The following TRPV5 variants were observed in gnomAD, a reference collection of about 807,000 sequenced individuals.
TRPV5 encodes the protein transient receptor potential cation channel subfamily V member 5.
A neutral mutation model predicts 74.1 loss-of-function variants in TRPV5; 66 were observed. The ratio of observed to expected loss-of-function variants is 0.89; its 90% CI spans 0.73 to 1.09. TRPV5 has a LOEUF of 1.09. Among genes scored for constraint, TRPV5 ranks in the 50% least tolerant of loss-of-function variants. TRPV5 has a pLI of 0.00. For missense variants in TRPV5, 936 were observed against 930.4 expected, an observed-to-expected ratio of 1.01 and a Z score of -0.08; for synonymous variants, 399 against 360.7, an observed-to-expected ratio of 1.11 and a Z score of -1.20.
intron 1 of TRPV5, among the ~76,000 whole-genome samples, chr7:142,932,158 A>T (rs1796106973): frequency 6.6e-6 from 1 of 152,100 alleles, no homozygotes; most frequent in Admixed American, 6.5e-5. Flanking sequence ...GTCCCTGACC[A>T]GCCTAGAGTG....
chr7:142,923,775 A>G (rs1795922333), intron 8 of TRPV5, among the ~76,000 whole-genome samples: 1 of 152,184 alleles, frequency 6.6e-6, no homozygotes, highest in Non-Finnish European at 1.5e-5. Flanking sequence ...GATCAAAGAA[A>G]TGTGATTGTA....
At chr7:142,915,082 T>C (rs1266245792) in intron 10 of TRPV5, 36 bp from the exon 11 acceptor site, 1 of 1,605,706 alleles carries the variant, frequency 6.2e-7, no homozygotes, top group Non-Finnish European at 8.5e-7. Context: ...AGAGACAAGC[T>C]GGAACTATTT....
intron 8 of TRPV5, among the ~76,000 whole-genome samples, chr7:142,919,791 G>A (rs933411038): frequency 6.6e-6 from 1 of 152,168 alleles, no homozygotes; most frequent in Non-Finnish European, 1.5e-5. Context: ...AGTGCCTGGG[G>A]CACTACTGGG....
intron 10 of TRPV5, 77 bp from the exon 11 acceptor site, chr7:142,915,123 T>C: frequency 6.4e-7 from 1 of 1,560,820 alleles, no homozygotes; most frequent in East Asian, 2.3e-5. Context: ...GTGACCGGGG[T>C]GGTATCCACA....
At chr7:142,912,900 G>GCA in intron 12 of TRPV5, 150 bp from the exon 13 acceptor site, 1 of 874,072 alleles carries the variant, frequency 1.1e-6, no homozygotes, top group Non-Finnish European at 1.7e-6. Context: ...TTGCACACAT[G>GCA]CACAGATAAT....
intron 8 of TRPV5, chr7:142,925,257 C>CA (rs1795963551): frequency 1.8e-6 from 1 of 556,682 alleles, no homozygotes. Context: ...TGTAAATTAC[C>CA]AAAAAATTTC....
chr7:142,919,398 A>G (rs1795848032), intron 8 of TRPV5, among the ~76,000 whole-genome samples: 1 of 152,178 alleles, frequency 6.6e-6, no homozygotes, highest in South Asian at 2.1e-4. Context: ...GCATTGCCTA[A>G]GAGACGCAGA....
At chr7:142,915,877 A>G (rs1402722365) in intron 8 of TRPV5, among the ~76,000 whole-genome samples, 1 of 152,254 alleles carries the variant, frequency 6.6e-6, no homozygotes, top group Non-Finnish European at 1.5e-5. Context: ...AACACATTTC[A>G]GCGCATCAAG....
chr7:142,909,729 C>T (rs1795675899), intron 13 of TRPV5, 133 bp from the exon 14 acceptor site: 3 of 848,590 alleles, frequency 3.5e-6, no homozygotes, highest in East Asian at 2.7e-5. Context: ...TGAGAACAGC[C>T]ACCTATTCAC....
At chr7:142,933,190 T>C in intron 1 of TRPV5, 142 bp downstream of exon 1, 1 of 1,179,706 alleles carries the variant, frequency 8.5e-7, no homozygotes, top group Non-Finnish European at 1.2e-6. Flanking sequence ...TGTAATTAGG[T>C]GGGCTGGAAG....
chr7:142,910,734 C>G (rs1163315738), intron 13 of TRPV5, among the ~76,000 whole-genome samples: 1 of 152,202 alleles, frequency 6.6e-6, no homozygotes, highest in Non-Finnish European at 1.5e-5. Context: ...GATAGCTGTT[C>G]TTCTTTGCCT....
At chr7:142,911,318 T>G (rs1795700661) in intron 13 of TRPV5, among the ~76,000 whole-genome samples, 1 of 152,144 alleles carries the variant, frequency 6.6e-6, no homozygotes, top group African/African-American at 2.4e-5. Context: ...AACTTCCCAT[T>G]TATGAGGACT....
At chr7:142,915,210 TG>T (rs753922564) in intron 10 of TRPV5, 96 bp downstream of exon 10, 17 of 1,539,146 alleles carry the variant, frequency 1.1e-5, no homozygotes, top group Non-Finnish European at 1.5e-5. Context: ...GTCCTTGGAG[TG>T]AGAGTGACCT....
intron 7 of TRPV5, among the ~76,000 whole-genome samples, chr7:142,927,128 T>C (rs370126812): frequency 6.6e-5 from 10 of 152,174 alleles, no homozygotes; most frequent in African/African-American, 2.4e-4. Flanking sequence ...TTTTCTCTCA[T>C]CTTCCTGTGA....
intron 12 of TRPV5, among the ~76,000 whole-genome samples, chr7:142,913,059 G>T (rs1795729353): frequency 6.6e-6 from 1 of 152,130 alleles, no homozygotes; most frequent in Admixed American, 6.5e-5. Flanking sequence ...ATGGATAATG[G>T]ATAATAGGTC....
intron 8 of TRPV5, among the ~76,000 whole-genome samples, chr7:142,916,377 G>A (rs1795798513): frequency 6.6e-6 from 1 of 152,192 alleles, no homozygotes; most frequent in Admixed American, 6.5e-5. Context: ...TGAAACTTAT[G>A]CAATATCACA....
chr7:142,927,570 C>T (rs1047490212), intron 7 of TRPV5, among the ~76,000 whole-genome samples: 3 of 152,118 alleles, frequency 2.0e-5, no homozygotes, highest in Admixed American at 1.3e-4. Flanking sequence ...CAGGCACATC[C>T]TACATGGCCG....
At chr7:142,933,181 G>T in intron 1 of TRPV5, 151 bp downstream of exon 1, 1 of 1,137,964 alleles carries the variant, frequency 8.8e-7, no homozygotes, top group South Asian at 1.6e-5. Flanking sequence ...CTGGGATTCT[G>T]TAATTAGGTG....
In TRPV5 at chr7:142,930,099, G is replaced by T; in HGVS notation, c.308C>A (p.Pro103Gln). 1 of 1,614,152 alleles carries T rather than the reference G, an allele frequency of 6.2e-7. No individual in the cohort carries two copies. Among genetic ancestry groups the T allele is most frequent in the Non-Finnish European group, 8.5e-7 (1 of 1,180,036 alleles). ...TGTGGTGGGCTCAAAGACCAGCTCTGGGGCAGCCTCCATCAGCACCAAGGC... is the reference window on the plus strand; with the variant it reads ...TGTGGTGGGCTCAAAGACCAGCTCTTGGGCAGCCTCCATCAGCACCAAGGC... Reference protein sequence around the residue: ...EAALVLMEAAPELVFEPTTCE... With the variant: ...EAALVLMEAAQELVFEPTTCE... The change falls in exon 3 of 15, where the codon CCA becomes CAA. Residue 103 changes from proline (P) to glutamine (Q), a missense_variant. Transcript: ENST00000265310.
Sources: allele counts gnomAD v4.1 joint callset (sites outside exome capture counted in the v4.1 genomes callset), GRCh38; gene constraint gnomAD v4.1.1; transcripts MANE v1.5; gene names NCBI Gene and HGNC (gene_info 2026-07-23, HGNC 2026-07-21).